The following ANKRD44 variants were observed in gnomAD, a reference collection of about 807,000 sequenced individuals.
The protein encoded by ANKRD44 is serine/threonine-protein phosphatase 6 regulatory ankyrin repeat subunit B.
Under a neutral mutation model 116.0 loss-of-function variants are expected in ANKRD44, and 35 were observed. That is an observed-to-expected ratio of 0.30 (90% CI 0.23 to 0.40). The LOEUF is 0.40. Among genes scored for constraint, ANKRD44 ranks in the 10% least tolerant of loss-of-function variants. The probability of loss-of-function intolerance (pLI) is 1.00; values close to 1 mark genes in which losing one functional copy is unlikely to be tolerated. For synonymous variants in ANKRD44, 435 were observed against 461.8 expected (o/e 0.94, Z 0.74); for missense variants, 1,014 against 1,242.6 (o/e 0.82, Z 2.77).
intron 16 of ANKRD44, among the ~76,000 whole-genome samples, chr2:197,065,927 T>G (rs1257931688): frequency 6.6e-6 from 1 of 152,192 alleles, no homozygotes; most frequent in Non-Finnish European, 1.5e-5. Flanking sequence ...GAATCCTCCC[T>G]AACTCATTTT....
chr2:197,304,657 C>T (rs1240453718), intron 1 of ANKRD44, among the ~76,000 whole-genome samples: 1 of 152,198 alleles, frequency 6.6e-6, no homozygotes, highest in Non-Finnish European at 1.5e-5. Flanking sequence ...CTGAAGCCTA[C>T]AGAGGTTAAC....
chr2:197,225,060 A>G (rs918138051), intron 1 of ANKRD44, among the ~76,000 whole-genome samples: 1 of 152,140 alleles, frequency 6.6e-6, no homozygotes, highest in Admixed American at 6.5e-5. Flanking sequence ...GAGGGAGAAA[A>G]GGGAAGAGGA....
intron 1 of ANKRD44, among the ~76,000 whole-genome samples, chr2:197,224,073 A>G (rs529256378): frequency 6.6e-6 from 1 of 152,304 alleles, no homozygotes; most frequent in South Asian, 2.1e-4. Flanking sequence ...GGTTACATCT[A>G]TGGAAAGGAT....
intron 26 of ANKRD44, 30 bp downstream of exon 26, chr2:196,995,349 T>C: frequency 6.5e-7 from 1 of 1,534,378 alleles, no homozygotes; most frequent in Non-Finnish European, 9.0e-7. Flanking sequence ...TGACCCTGGG[T>C]TCAAGTCCAA....
At chr2:197,308,263 G>C (rs974220861) in intron 1 of ANKRD44, among the ~76,000 whole-genome samples, 2 of 152,156 alleles carry the variant, frequency 1.3e-5, no homozygotes, top group Non-Finnish European at 2.9e-5. Context: ...CTCTAAGGCA[G>C]GGATTCCAAG....
At chr2:197,159,611 T>C (rs1881399) in intron 2 of ANKRD44, among the ~76,000 whole-genome samples, 95,795 of 152,190 alleles carry the variant, frequency 0.63, 33,997 homozygotes, top group East Asian at 0.95. Flanking sequence ...GAATAATTGA[T>C]ATGTGAGTGT....
At position 197,066,965 on chromosome 2, in the gene ANKRD44, C is replaced by T. The variant is rs370733009; in HGVS notation, c.1650+11738G>A. The stretch of plus-strand genomic sequence containing the variant: ...GTTCACATGGAACCAAAAAAGAGCC[C>T]GCGTTGCCAAGACAATCCTAAGCCA... On this transcript the variant is annotated intron_variant, in intron 16 of 27. Coordinates refer to ENST00000282272, the MANE Select transcript of ANKRD44 (RefSeq NM_001195144.2). 3.3e-5 allele frequency among the ~76,000 whole-genome samples: 5 copies of T among 152,224 alleles called. No homozygotes were observed. In the East Asian group the frequency reaches 7.7e-4, roughly 23 times the overall value.
intron 16 of ANKRD44, among the ~76,000 whole-genome samples, chr2:197,048,022 A>C (rs2077035453): frequency 6.6e-6 from 1 of 152,194 alleles, no homozygotes; most frequent in East Asian, 1.9e-4. Context: ...CCCACCATAC[A>C]TCTACAATTT....
intron 1 of ANKRD44, among the ~76,000 whole-genome samples, chr2:197,187,677 T>C (rs982487805): frequency 2.7e-5 from 4 of 146,024 alleles, no homozygotes; most frequent in African/African-American, 5.2e-5. Context: ...TCTCTCTCTC[T>C]CCCTCTTCTT....
chr2:197,200,709 G>A (rs1006871810), intron 1 of ANKRD44, among the ~76,000 whole-genome samples: 2 of 152,094 alleles, frequency 1.3e-5, no homozygotes, highest in Non-Finnish European at 2.9e-5. Flanking sequence ...CATTTAAGCT[G>A]CTCCTGCCCA....
At chr2:196,979,545 A>G (rs1037983856) in intron 21 of ANKRD44, among the ~76,000 whole-genome samples, 1 of 132,572 alleles carries the variant, frequency 7.5e-6, no homozygotes, top group African/African-American at 2.9e-5. Context: ...GAGTAATTTA[A>G]TAAGATGACT....
chr2:197,130,058 A>T (rs2079062666), intron 4 of ANKRD44, among the ~76,000 whole-genome samples: 1 of 152,224 alleles, frequency 6.6e-6, no homozygotes, highest in South Asian at 2.1e-4. Context: ...GTCTGTAAGT[A>T]ATAATCTGTA....
chr2:197,207,427 C>T (rs146954298), intron 1 of ANKRD44, among the ~76,000 whole-genome samples: 45 of 152,308 alleles, frequency 3.0e-4, no homozygotes, highest in African/African-American at 1.0e-3. Context: ...TAAGCTGCTT[C>T]TCTTTTAGAG....
intron 1 of ANKRD44, among the ~76,000 whole-genome samples, chr2:197,243,331 TAAAG>T (rs2082128113): frequency 6.6e-6 from 1 of 151,594 alleles, no homozygotes; most frequent in Non-Finnish European, 1.5e-5. Flanking sequence ...ATAAAACCCT[TAAAG>T]AACCTAAGAA....
rs1356438791 is a variant in ANKRD44, at chr2:197,122,685, T to G, written c.658A>C (p.Asn220His). 1.9e-6 allele frequency: 3 copies of G among 1,614,172 alleles called. No homozygotes were observed. In the South Asian group the frequency reaches 3.3e-5, roughly 18 times the overall value. The change falls in exon 7 of 28, where the codon AAT (asparagine) becomes CAT (histidine). Residue 220 changes from asparagine to histidine, a missense_variant. Asn to His is a moderately conservative substitution (Grantham distance 68). Transcript: ENST00000282272. ...LHAAASNGQI[N>H]VVKHLLNLGV... Reference sequence around the variant, plus strand: ...AGGTTCAGGAGATGCTTGACAACATTAATCTGTCCATTGGAGGCTGCAGCA... The same window carrying G: ...AGGTTCAGGAGATGCTTGACAACATGAATCTGTCCATTGGAGGCTGCAGCA...
At chr2:197,285,684 C>T (rs567867284) in intron 1 of ANKRD44, among the ~76,000 whole-genome samples, 1 of 152,260 alleles carries the variant, frequency 6.6e-6, no homozygotes, top group South Asian at 2.1e-4. Flanking sequence ...CTCAGGCATG[C>T]CCCCAGTCAC....
intron 1 of ANKRD44, among the ~76,000 whole-genome samples, chr2:197,230,165 A>AT (rs1463632527): frequency 6.6e-6 from 1 of 152,070 alleles, no homozygotes; most frequent in African/African-American, 2.4e-5. Flanking sequence ...ACTGCCAAGA[A>AT]TTTTTTTAAA....
At position 197,253,847 on chromosome 2, in the gene ANKRD44, A is replaced by G. The variant is rs578073174; in HGVS notation, c.27+56731T>C. 3.3e-5 allele frequency among the ~76,000 whole-genome samples: 5 copies of G among 152,340 alleles called. No homozygotes were observed. In the South Asian group the frequency reaches 1.0e-3, roughly 32 times the overall value. Reference sequence around the variant, plus strand: ...GGCGACTCTATGTGGGCTGCAAGTGAAAGAGTTAACTATTTACAAGCCCAC... The same window carrying G: ...GGCGACTCTATGTGGGCTGCAAGTGGAAGAGTTAACTATTTACAAGCCCAC... On this transcript the variant is annotated intron_variant, in intron 1 of 27. Transcript: ENST00000282272.
At chr2:197,080,917 G>A (rs1258052314) in intron 15 of ANKRD44, among the ~76,000 whole-genome samples, 3 of 149,650 alleles carry the variant, frequency 2.0e-5, no homozygotes, top group African/African-American at 5.1e-5. Context: ...GTACCAATTC[G>A]TTTGTTTGTT....
Sources: allele counts gnomAD v4.1 joint callset (sites outside exome capture counted in the v4.1 genomes callset), GRCh38; gene constraint gnomAD v4.1.1; transcripts MANE v1.5; gene names NCBI Gene and HGNC (gene_info 2026-07-23, HGNC 2026-07-21).